SPATS2L: variants seen among roughly 807,000 people sequenced by gnomAD.
The protein encoded by SPATS2L is SPATS2-like protein.
In SPATS2L, 30 loss-of-function variants were observed where a neutral mutation model predicts 59.6. The observed-to-expected ratio is 0.50, with a 90% CI of 0.38 to 0.68. The LOEUF (loss-of-function observed/expected upper bound fraction) is 0.68, where lower values mean the gene tolerates loss of function less well. Among genes scored for constraint, SPATS2L ranks in the 30% least tolerant of loss-of-function variants. The pLI, the probability that SPATS2L is intolerant of heterozygous loss-of-function variation, is 0.00. For synonymous variants in SPATS2L, 252 were observed against 263.5 expected, an observed-to-expected ratio of 0.96 and a Z score of 0.42; for missense variants, 615 against 700.0, an observed-to-expected ratio of 0.88 and a Z score of 1.37.
intron 2 of SPATS2L, among the ~76,000 whole-genome samples, chr2:200,332,477 G>T (rs1343718354): frequency 6.6e-6 from 1 of 152,104 alleles, no homozygotes; most frequent in Non-Finnish European, 1.5e-5. Flanking sequence ...AAACTGCTGG[G>T]CTTAAGCGAT....
chr2:200,432,038 A>G (rs73059818), intron 6 of SPATS2L, among the ~76,000 whole-genome samples: 8,210 of 152,342 alleles, frequency 0.054, 365 homozygotes, highest in African/African-American at 0.12. Context: ...TAATTTGGCA[A>G]AGCATATCAA....
chr2:200,329,035 G>A (rs1372511753), intron 1 of SPATS2L, among the ~76,000 whole-genome samples: 2 of 152,262 alleles, frequency 1.3e-5, no homozygotes, highest in East Asian at 1.9e-4. Context: ...TAATACCAGG[G>A]CCTACCTCAG....
At chr2:200,454,763 C>T (rs575613027) in intron 8 of SPATS2L, among the ~76,000 whole-genome samples, 3 of 152,250 alleles carry the variant, frequency 2.0e-5, no homozygotes, top group South Asian at 2.1e-4. Flanking sequence ...GTGGATTTTA[C>T]GGGAACTCTG....
chr2:200,348,469 T>C (rs942440982), intron 2 of SPATS2L, among the ~76,000 whole-genome samples: 1 of 152,174 alleles, frequency 6.6e-6, no homozygotes, highest in Admixed American at 6.5e-5. Context: ...GAAGGGCCAA[T>C]CTTGTCAATT....
chr2:200,353,085 A>T (rs1050301419), intron 2 of SPATS2L, among the ~76,000 whole-genome samples: 1 of 152,224 alleles, frequency 6.6e-6, no homozygotes, highest in South Asian at 2.1e-4. Context: ...GCAGAATGAC[A>T]TCTGGCCTCT....
chr2:200,436,955 T>C (rs559852722), intron 6 of SPATS2L, among the ~76,000 whole-genome samples: 3 of 152,230 alleles, frequency 2.0e-5, no homozygotes, highest in African/African-American at 7.2e-5. Context: ...AGTTACTTCA[T>C]GTGAGATCTG....
chr2:200,397,158 C>G (rs747187655), intron 3 of SPATS2L, among the ~76,000 whole-genome samples: 16 of 152,194 alleles, frequency 1.1e-4, no homozygotes, highest in Non-Finnish European at 2.1e-4. Flanking sequence ...TCTCCACCCC[C>G]ACTCCTTCCA....
At chr2:200,403,179 G>A (rs746938993) in intron 3 of SPATS2L, among the ~76,000 whole-genome samples, 3 of 152,098 alleles carry the variant, frequency 2.0e-5, no homozygotes, top group South Asian at 2.1e-4. Flanking sequence ...ATGGATAAAC[G>A]GGGCCCAACC....
At chr2:200,418,110 C>A (rs1166728339) in intron 5 of SPATS2L, among the ~76,000 whole-genome samples, 1 of 152,114 alleles carries the variant, frequency 6.6e-6, no homozygotes, top group Non-Finnish European at 1.5e-5. Context: ...GGGGTCTAAA[C>A]AATTTCAATT....
At chr2:200,453,112 G>T (rs1319260969) in intron 8 of SPATS2L, among the ~76,000 whole-genome samples, 3 of 152,260 alleles carry the variant, frequency 2.0e-5, no homozygotes, top group African/African-American at 2.4e-5. Flanking sequence ...GACATTTCTG[G>T]GGTAGACTTC....
chr2:200,349,561 C>T (rs750295522), intron 2 of SPATS2L, among the ~76,000 whole-genome samples: 29 of 152,156 alleles, frequency 1.9e-4, no homozygotes, highest in Non-Finnish European at 2.9e-4. Flanking sequence ...TCCCTTGAAC[C>T]CAGGAGGCAG....
intron 1 of SPATS2L, among the ~76,000 whole-genome samples, chr2:200,327,719 A>G (rs575264012): frequency 2.7e-4 from 41 of 152,242 alleles, no homozygotes; most frequent in Non-Finnish European, 5.1e-4. Context: ...TTTTAATGGA[A>G]GTATTACACT....
intron 8 of SPATS2L, among the ~76,000 whole-genome samples, chr2:200,441,020 C>G (rs935186539): frequency 6.6e-6 from 1 of 151,990 alleles, no homozygotes; most frequent in African/African-American, 2.4e-5. Flanking sequence ...GAAGTTGGCC[C>G]AAAACTATGA....
At position 200,372,185 on chromosome 2, in the gene SPATS2L, AAAC is replaced by A. The variant is rs1036324791; in HGVS notation, c.-22-17033_-22-17031del. The A allele has an allele frequency of 1.2e-5, 12 of 985,422 alleles. No homozygotes were observed. The African/African-American group carries it at 2.1e-4, about 17-fold the overall frequency. 61.0% of individuals were successfully genotyped at this position (985,422 alleles called of 1,614,324 possible). ...TGGGAAACTCGGGAAAAGACTGCAA[AAAC>A]AACATTGTTTCTCCCTTTGGAATTC... is the stretch of plus-strand genomic sequence containing the variant. On this transcript the variant is annotated intron_variant, in intron 2 of 12. Coordinates refer to ENST00000409140, the MANE Select transcript of SPATS2L (RefSeq NM_001100423.2).
intron 9 of SPATS2L, among the ~76,000 whole-genome samples, chr2:200,461,600 A>G (rs758039965): frequency 2.0e-5 from 3 of 152,190 alleles, no homozygotes; most frequent in Non-Finnish European, 4.4e-5. Flanking sequence ...TCAGTTTTAC[A>G]ATCCTTGTCT....
intron 3 of SPATS2L, among the ~76,000 whole-genome samples, chr2:200,399,333 TG>T (rs1180969514): frequency 6.6e-6 from 1 of 152,174 alleles, no homozygotes; most frequent in Non-Finnish European, 1.5e-5. Context: ...TGTCCTGTGC[TG>T]GGCTGATTCC....
chr2:200,340,945 A>G (rs1355042864), intron 2 of SPATS2L, among the ~76,000 whole-genome samples: 1 of 152,182 alleles, frequency 6.6e-6, no homozygotes, highest in Non-Finnish European at 1.5e-5. Context: ...CTCTGCTGAT[A>G]AAATTATGAA....
In SPATS2L at chr2:200,479,854, G is replaced by A. The variant is rs2087736315; in HGVS notation, c.*1823G>A. 2.5e-6 allele frequency: 1 copy of A among 397,944 alleles called. No homozygotes were observed. Among genetic ancestry groups the A allele is most frequent in the East Asian group, 3.6e-5 (1 of 28,068 alleles). The allele number at this position is 397,944 out of a possible 1,614,324, so 24.7% of individuals were successfully genotyped here. ...GGAGGATGTTTGCTCTCTCTGTAGA[G>A]AGCTTTCTGAGGTCTCTGGGTGTAC... On this transcript the variant is annotated 3_prime_UTR_variant, in exon 13 of 13. Transcript: ENST00000409140.
chr2:200,371,313 G>A (rs913328818), intron 2 of SPATS2L, among the ~76,000 whole-genome samples: 7 of 152,238 alleles, frequency 4.6e-5, no homozygotes, highest in African/African-American at 1.7e-4. Context: ...GTCTGTACTA[G>A]GATAGAGGAA....
Sources: allele counts gnomAD v4.1 joint callset (sites outside exome capture counted in the v4.1 genomes callset), GRCh38; gene constraint gnomAD v4.1.1; transcripts MANE v1.5; gene names NCBI Gene and HGNC (gene_info 2026-07-23, HGNC 2026-07-21).